Variants in COPA observed in about 807,000 individuals in gnomAD.
COPA encodes the protein coat protein complex I subunit alpha.
A neutral mutation model predicts 158.7 loss-of-function variants in COPA; 10 were observed. The ratio of observed to expected loss-of-function variants is 0.06; its 90% CI spans 0.04 to 0.11. The LOEUF is 0.11. Among genes scored for constraint, COPA ranks in the 10% least tolerant of loss-of-function variants. The pLI is 1.00. For synonymous variants in COPA, 462 were observed against 542.8 expected, an observed-to-expected ratio of 0.85 and a Z score of 2.07; for missense variants, 1,065 against 1,536.7, an observed-to-expected ratio of 0.69 and a Z score of 5.13.
At chr1:160,307,340 C>T (rs1658824232) in intron 13 of COPA, 95 bp from the exon 14 acceptor site, 5 of 1,194,640 alleles carry the variant, frequency 4.2e-6, no homozygotes, top group Non-Finnish European at 6.2e-6. Context: ...TGCTGGATGC[C>T]ATCTTGGCTT....
At chr1:160,311,621 G>A (rs990926479) in intron 11 of COPA, among the ~76,000 whole-genome samples, 8 of 151,422 alleles carry the variant, frequency 5.3e-5, no homozygotes, top group Non-Finnish European at 1.2e-4. Flanking sequence ...GGTGGCGGGC[G>A]CCTGTAGTCC....
chr1:160,299,675 G>C (rs1658536403), intron 17 of COPA, among the ~76,000 whole-genome samples: 2 of 152,076 alleles, frequency 1.3e-5, no homozygotes, highest in Non-Finnish European at 2.9e-5. Flanking sequence ...ATAATAAATA[G>C]ATTGCAAATT....
intron 12 of COPA, among the ~76,000 whole-genome samples, chr1:160,309,770 T>G (rs1201933036): frequency 6.6e-6 from 1 of 151,026 alleles, no homozygotes; most frequent in African/African-American, 2.4e-5. Context: ...CAAATTCTGT[T>G]GCAAGAAACA....
At chr1:160,321,207 A>G (rs1659322344) in intron 8 of COPA, among the ~76,000 whole-genome samples, 1 of 152,224 alleles carries the variant, frequency 6.6e-6, no homozygotes, top group Non-Finnish European at 1.5e-5. Context: ...AAAACAATAA[A>G]GGCCATATAT....
chr1:160,325,268 G>A (rs1557872403), intron 7 of COPA, among the ~76,000 whole-genome samples: 1 of 152,192 alleles, frequency 6.6e-6, no homozygotes, highest in Non-Finnish European at 1.5e-5. Flanking sequence ...GAAAGCTTGA[G>A]AATGGGCTCT....
At chr1:160,337,353 A>C (rs1008025867) in intron 3 of COPA, among the ~76,000 whole-genome samples, 4 of 152,238 alleles carry the variant, frequency 2.6e-5, no homozygotes, top group East Asian at 3.8e-4. Flanking sequence ...GTCCACAGAC[A>C]TGACTTTTCT....
chr1:160,323,474 T>C lies in COPA; in HGVS notation c.663A>G (p.Val221=), dbSNP rs762943238. Reference sequence around the variant, plus strand: ...TCACTTGACGATCATCTGCCCCAGATACAATAAGGGGCATAGTGGGGTGGA... The same window carrying C: ...TCACTTGACGATCATCTGCCCCAGACACAATAAGGGGCATAGTGGGGTGGA... The part of the protein sequence containing the change: ...AAFHPTMPLI[V]SGADDRQVKI... Residue 221 remains valine, a synonymous_variant, in exon 8 of 33, where the codon GTA becomes GTG. Coordinates refer to ENST00000241704, the MANE Select transcript of COPA (RefSeq NM_004371.4). The C allele has an allele frequency of 2.5e-6, 4 of 1,610,548 alleles. No individual in the cohort carries two copies. Among genetic ancestry groups the C allele is most frequent in the Admixed American group, 1.7e-5 (1 of 59,752 alleles).
At chr1:160,297,255 C>T in intron 21 of COPA, 88 bp downstream of exon 21, 2 of 1,132,538 alleles carry the variant, frequency 1.8e-6, no homozygotes, top group Non-Finnish European at 1.3e-6. Context: ...AAAGAGAAAT[C>T]CCTCACCACT....
chr1:160,339,609 T>C (rs1410556427), intron 3 of COPA: 3 of 264,368 alleles, frequency 1.1e-5, no homozygotes, highest in East Asian at 8.5e-5. Flanking sequence ...CTCTCTATTA[T>C]ATTGCTTACC....
At chr1:160,298,205 A>C (rs1156821569) in intron 19 of COPA, among the ~76,000 whole-genome samples, 1 of 151,988 alleles carries the variant, frequency 6.6e-6, no homozygotes, top group African/African-American at 2.4e-5. Context: ...AAAAAAAAAG[A>C]AAATCCAGTG....
At chr1:160,308,193 A>G (rs1350273921) in intron 13 of COPA, among the ~76,000 whole-genome samples, 1 of 628 alleles carries the variant, frequency 1.6e-3, no homozygotes, top group Non-Finnish European at 2.4e-3. Flanking sequence ...AAAAAAAGCA[A>G]AGAGCTAGTT....
intron 14 of COPA, 133 bp from the exon 15 acceptor site, chr1:160,306,626 C>A: frequency 9.2e-7 from 1 of 1,086,738 alleles, no homozygotes; most frequent in Non-Finnish European, 1.4e-6. Flanking sequence ...ATGTCAATTA[C>A]CACTGCAGAC....
chr1:160,289,522 A>G lies in COPA; in HGVS notation c.*635T>C, dbSNP rs1658149287. 2 of 152,128 alleles carry G rather than the reference A, an allele frequency of 1.3e-5. No individual in the cohort carries two copies. The highest frequency in any genetic ancestry group is 2.4e-5 in the African/African-American group (1 of 41,434). The allele number at this position is 152,128 out of a possible 1,614,324, so 9.4% of individuals were successfully genotyped here. A position where few individuals can be genotyped will look rare whatever the true frequency, so the allele number is the denominator to read the frequency against. On this transcript the variant is annotated 3_prime_UTR_variant, in exon 33 of 33. Coordinates refer to ENST00000241704, the MANE Select transcript of COPA (RefSeq NM_004371.4). ...TGCTCCTTTCTAGTTGACAGGAAAG[A>G]AAGCTGCTGTGGGGAAAGGAGGGAT... is the stretch of plus-strand genomic sequence containing the variant.
intron 8 of COPA, among the ~76,000 whole-genome samples, chr1:160,316,570 G>C (rs1263975100): frequency 6.6e-6 from 1 of 151,530 alleles, no homozygotes; most frequent in Non-Finnish European, 1.5e-5. Context: ...AACCAACATG[G>C]AGAAACCCTG....
intron 6 of COPA, among the ~76,000 whole-genome samples, chr1:160,330,742 A>C (rs1195581789): frequency 1.3e-5 from 2 of 152,210 alleles, no homozygotes; most frequent in Admixed American, 1.3e-4. Context: ...AATGCAGAGG[A>C]TGACTCCTTT....
At chr1:160,295,931 C>A in intron 22 of COPA, 72 bp from the exon 23 acceptor site, 1 of 1,581,210 alleles carries the variant, frequency 6.3e-7, no homozygotes, top group East Asian at 2.2e-5. Flanking sequence ...TATGGAGCCT[C>A]CTTTGATCTC....
In COPA at chr1:160,290,150, G is replaced by A. The variant is rs1658176853; in HGVS notation, c.*7C>T. 6.2e-7 allele frequency: 1 copy of A among 1,613,914 alleles called. No individual in the cohort carries two copies. Among genetic ancestry groups the A allele is most frequent in the Non-Finnish European group, 8.5e-7 (1 of 1,179,830 alleles). On this transcript the variant is annotated 3_prime_UTR_variant, in exon 33 of 33. Coordinates refer to ENST00000241704, the MANE Select transcript of COPA (RefSeq NM_004371.4). ...ATGGTGACTGACCCATGCACACAAA[G>A]GGGGCCTTAGCGAAACTGCAGAGGA...
chr1:160,289,986 C>T lies in COPA; in HGVS notation c.*171G>A, dbSNP rs1658168774. On this transcript the variant is annotated 3_prime_UTR_variant, in exon 33 of 33. Coordinates refer to ENST00000241704, the MANE Select transcript of COPA (RefSeq NM_004371.4). The stretch of plus-strand genomic sequence containing the variant: ...CAAGTTGAGAAGACCTCAAAAAAGT[C>T]AAGTTTAGACCTTCGGATTTTCCAT... 6.1e-6 allele frequency: 4 copies of T among 651,912 alleles called. No individual in the cohort carries two copies. Among genetic ancestry groups the T allele is most frequent in the Non-Finnish European group, 1.1e-5 (4 of 372,848 alleles). The allele number at this position is 651,912 out of a possible 1,614,324, so 40.4% of individuals were successfully genotyped here.
At position 160,309,120 on chromosome 1, in the gene COPA, A is replaced by G. The variant is rs2101840800; in HGVS notation, c.1200T>C (p.Ala400=). 1 of 1,613,766 alleles carries G rather than the reference A, an allele frequency of 6.2e-7. No homozygotes were observed. The highest frequency in any genetic ancestry group is 8.5e-7 in the Non-Finnish European group (1 of 1,179,624). ...ACTTACCATCAGGATTCTGGGAGTCAGCATCTTTAGGGATGGTGTACAGGT... is the reference window on the plus strand; with the variant it reads ...ACTTACCATCAGGATTCTGGGAGTCGGCATCTTTAGGGATGGTGTACAGGT... ...TYDLYTIPKD[A]DSQNPDAPEG... Residue 400 remains alanine, a synonymous_variant, in exon 13 of 33, where the codon GCT becomes GCC. Transcript: ENST00000241704.
Sources: allele counts gnomAD v4.1 joint callset (sites outside exome capture counted in the v4.1 genomes callset), GRCh38; gene constraint gnomAD v4.1.1; transcripts MANE v1.5; gene names NCBI Gene and HGNC (gene_info 2026-07-23, HGNC 2026-07-21).